The following CD109 variants were observed in gnomAD, a reference collection of about 807,000 sequenced individuals.
CD109 encodes the protein CD109 antigen.
Under a neutral mutation model 165.8 loss-of-function variants are expected in CD109, and 149 were observed. The observed-to-expected ratio is 0.90, with a 90% CI of 0.79 to 1.03. The LOEUF is 1.03. Ranked by LOEUF, CD109 falls within the 50% of genes least tolerant of loss-of-function variation. CD109 has a pLI of 0.00. For synonymous variants in CD109, 585 were observed against 592.1 expected, an observed-to-expected ratio of 0.99 and a Z score of 0.18; for missense variants, 1,712 against 1,677.8, an observed-to-expected ratio of 1.02 and a Z score of -0.36.
At chr6:73,766,538 T>C (rs1156319268) in intron 11 of CD109, among the ~76,000 whole-genome samples, 6 of 37,298 alleles carry the variant, frequency 1.6e-4, no homozygotes, top group African/African-American at 3.2e-4. Context: ...TGTGTGTGTA[T>C]ATATATATAT....
At position 73,807,091 on chromosome 6, in the gene CD109, A is replaced by G. The variant is rs1775592744; in HGVS notation, c.3189+19A>G. On this transcript the variant is annotated intron_variant, in intron 25 of 32. Transcript: ENST00000287097. ...GTATCAGGTATTTCGTATTTAATTT[A>G]ATAAATGATAGATGGGAAATTCAAG... is the stretch of plus-strand genomic sequence containing the variant. The G allele has an allele frequency of 6.4e-7, 1 of 1,571,894 alleles. No individual in the cohort carries two copies. Among genetic ancestry groups the G allele is most frequent in the Non-Finnish European group, 8.7e-7 (1 of 1,143,076 alleles).
intron 15 of CD109, among the ~76,000 whole-genome samples, chr6:73,779,048 G>T (rs1412945359): frequency 2.0e-5 from 3 of 152,088 alleles, no homozygotes; most frequent in African/African-American, 7.2e-5. Context: ...TCCAGACAGA[G>T]ACTCTGTAAT....
chr6:73,781,767 A>ACG (rs1439954972), intron 17 of CD109, among the ~76,000 whole-genome samples: 2 of 150,648 alleles, frequency 1.3e-5, no homozygotes, highest in Non-Finnish European at 3.0e-5. Flanking sequence ...ACACACACAC[A>ACG]CACAGACACA....
chr6:73,787,447 G>T lies in CD109; in HGVS notation c.2551G>T (p.Val851Leu). 2 of 1,604,558 alleles carry T rather than the reference G, an allele frequency of 1.2e-6. No individual in the cohort carries two copies. Among genetic ancestry groups the T allele is most frequent in the Non-Finnish European group, 1.7e-6 (2 of 1,172,654 alleles). The change falls in exon 21 of 33, where the codon GTA (valine) becomes TTA (leucine). Residue 851 changes from valine (V) to leucine (L), a missense_variant. Coordinates refer to ENST00000287097, the MANE Select transcript of CD109 (RefSeq NM_133493.5). ...ASDAVTQMILVKAEGIEKSYS... is the reference protein window; with the variant it reads ...ASDAVTQMILLKAEGIEKSYS... ...TGATGCTGTCACCCAGATGATTTTA[G>T]TAAAGGTAAATATTTGATGTCTGAA...
chr6:73,786,052 C>G (rs1296496234), intron 20 of CD109, among the ~76,000 whole-genome samples: 1 of 129,064 alleles, frequency 7.7e-6, no homozygotes, highest in Non-Finnish European at 1.6e-5. Flanking sequence ...CCATGTTGGC[C>G]AGGCGGGTCT....
At chr6:73,766,714 G>C in intron 11 of CD109, 45 bp from the exon 12 acceptor site, 2 of 1,348,282 alleles carry the variant, frequency 1.5e-6, no homozygotes, top group East Asian at 2.3e-5. Context: ...TTCTCAAGGT[G>C]TTACTAAAGA....
chr6:73,691,931 C>A (rs1045010003), upstream of CD109, among the ~76,000 whole-genome samples: 1 of 152,086 alleles, frequency 6.6e-6, no homozygotes, highest in African/African-American at 2.4e-5. Context: ...TCTAGGGAGG[C>A]CTCAGGGAGC....
chr6:73,769,225 TTTGA>T (rs1186723993), intron 14 of CD109, among the ~76,000 whole-genome samples: 1 of 152,194 alleles, frequency 6.6e-6, no homozygotes, highest in Non-Finnish European at 1.5e-5. Flanking sequence ...TTACTCTCAC[TTTGA>T]TTGTTAAAAT....
chr6:73,762,935 ATCTT>A, intron 9 of CD109, 53 bp downstream of exon 9: 1 of 1,461,008 alleles, frequency 6.8e-7, no homozygotes, highest in Admixed American at 2.3e-5. Flanking sequence ...CTGCTTTATC[ATCTT>A]TCTTATTATA....
intron 4 of CD109, among the ~76,000 whole-genome samples, chr6:73,731,167 C>T (rs2150180895): frequency 6.6e-6 from 1 of 152,222 alleles, no homozygotes; most frequent in South Asian, 2.1e-4. Context: ...CTGCCTCAGC[C>T]TCCTGAGTAG....
At position 73,740,177 on chromosome 6, in the gene CD109, C is replaced by A. The variant is rs193089881; in HGVS notation, c.633+3669C>A. 2.7e-3 allele frequency among the ~76,000 whole-genome samples: 404 copies of A among 152,242 alleles called. 1 individual carries two copies. Among genetic ancestry groups the A allele is most frequent in the African/African-American group, 8.5e-3 (352 of 41,528 alleles). ...TACATGTGTGAGCCATCATACACAGCCTTTGGGAGAGTTTTGAAATTCCAT... is the reference window on the plus strand; with the variant it reads ...TACATGTGTGAGCCATCATACACAGACTTTGGGAGAGTTTTGAAATTCCAT... On this transcript the variant is annotated intron_variant, in intron 5 of 32. Transcript: ENST00000287097.
chr6:73,701,295 AAC>A (rs1287256759), intron 2 of CD109, among the ~76,000 whole-genome samples: 1 of 152,170 alleles, frequency 6.6e-6, no homozygotes, highest in Non-Finnish European at 1.5e-5. Flanking sequence ...TAGTGATTAG[AAC>A]TATGTTCCTA....
rs766199209 is a variant in CD109 at position 73,759,001 on chromosome 6, A to G, written c.731A>G (p.Lys244Arg). 4 of 1,606,608 alleles carry G rather than the reference A, an allele frequency of 2.5e-6. No homozygotes were observed. In the South Asian group the frequency reaches 4.4e-5, roughly 18 times the overall value. Residue 244 changes from lysine to arginine, a missense_variant, in exon 7 of 33, where the codon AAG (lysine) becomes AGG (arginine). Lys to Arg is a conservative substitution (Grantham distance 26). Coordinates refer to ENST00000287097, the MANE Select transcript of CD109 (RefSeq NM_133493.5). ...CCATTATATTGTTCTATGAATTCTAAGCATTTAAATGGTACCATCACGGCA... is the reference window on the plus strand; with the variant it reads ...CCATTATATTGTTCTATGAATTCTAGGCATTTAAATGGTACCATCACGGCA... Reference protein sequence around the residue: ...QTPLYCSMNSKHLNGTITAKY... With the variant: ...QTPLYCSMNSRHLNGTITAKY...
At chr6:73,702,254 T>A (rs574625600) in intron 2 of CD109, among the ~76,000 whole-genome samples, 1 of 152,310 alleles carries the variant, frequency 6.6e-6, no homozygotes, top group South Asian at 2.1e-4. Context: ...TTATTTTCCA[T>A]CTTGGCTCAG....
At chr6:73,737,681 A>G (rs1772599362) in intron 5 of CD109, among the ~76,000 whole-genome samples, 1 of 152,290 alleles carries the variant, frequency 6.6e-6, no homozygotes, top group African/African-American at 2.4e-5. Context: ...GGGAAGTGGA[A>G]TTCTTTATAT....
At position 73,808,304 on chromosome 6, in the gene CD109, T is replaced by C. The variant is rs147071113; in HGVS notation, c.3355+56T>C. 1.8e-4 allele frequency: 282 copies of C among 1,540,394 alleles called. No individual in the cohort carries two copies. In the African/African-American group the frequency reaches 3.2e-3, roughly 17 times the overall value. On this transcript the variant is annotated intron_variant, in intron 26 of 32. Transcript: ENST00000287097. ...TGCTTTATGAAATATATAACTTACA[T>C]GAGAAAAATTTTTAGCCAGGTTTGA...
intron 22 of CD109, among the ~76,000 whole-genome samples, chr6:73,790,700 A>G (rs963301977): frequency 2.6e-5 from 4 of 152,152 alleles, no homozygotes; most frequent in Admixed American, 6.5e-5. Flanking sequence ...AGGCAGGAAA[A>G]AAAGGGTGAA....
chr6:73,725,500 A>ACTT (rs201029664), intron 3 of CD109, among the ~76,000 whole-genome samples: 37,968 of 89,958 alleles, frequency 0.42, 7,433 homozygotes, highest in Non-Finnish European at 0.51. Flanking sequence ...TGTCTACTAC[A>ACTT]CTTCTTTTTT....
chr6:73,737,320 C>T (rs999818355), intron 5 of CD109, among the ~76,000 whole-genome samples: 2 of 152,154 alleles, frequency 1.3e-5, no homozygotes, highest in African/African-American at 4.8e-5. Context: ...AGGTGGGACT[C>T]GTGTGTGAAT....
Sources: gnomAD v4.1 joint callset for allele counts (sites outside exome capture counted in the v4.1 genomes callset) on GRCh38, gnomAD v4.1.1 for gene constraint, MANE v1.5 for transcripts, NCBI Gene and HGNC (gene_info 2026-07-23, HGNC 2026-07-21) for gene names.